RAD51B: variants seen among roughly 807,000 people sequenced by gnomAD.
RAD51B encodes DNA repair protein RAD51 homolog 2.
A neutral mutation model predicts 42.2 loss-of-function variants in RAD51B; 38 were observed. The observed-to-expected ratio is 0.90, with a 90% confidence interval of 0.70 to 1.18. The LOEUF (loss-of-function observed/expected upper bound fraction) is 1.18. Among genes scored for constraint, RAD51B ranks in the 50% most tolerant of loss-of-function variants. RAD51B has a pLI of 0.00. For synonymous variants in RAD51B, 154 were observed against 145.2 expected, an observed-to-expected ratio of 1.06 and a Z score of -0.43; for missense variants, 373 against 400.7, an observed-to-expected ratio of 0.93 and a Z score of 0.59.
At chr14:68,465,215 ATTT>A (rs1413191658) in intron 9 of RAD51B, among the ~76,000 whole-genome samples, 2 of 152,114 alleles carry the variant, frequency 1.3e-5, no homozygotes, top group East Asian at 3.8e-4. Flanking sequence ...AAGATCTGAG[ATTT>A]TTTTATATGT....
At chr14:68,230,362 T>G (rs1342089052) in intron 7 of RAD51B, among the ~76,000 whole-genome samples, 1 of 152,194 alleles carries the variant, frequency 6.6e-6, no homozygotes, top group Non-Finnish European at 1.5e-5. Flanking sequence ...AATGGTCACG[T>G]CAAGGCACCA....
intron 7 of RAD51B, among the ~76,000 whole-genome samples, chr14:67,926,463 A>G (rs1197472584): frequency 6.6e-6 from 1 of 151,394 alleles, no homozygotes; most frequent in African/African-American, 2.4e-5. Context: ...CTTATTGCTC[A>G]TGTCACTGTC....
chr14:68,678,665 C>T (rs1056780704), intron 11 of RAD51B, among the ~76,000 whole-genome samples: 1 of 152,056 alleles, frequency 6.6e-6, no homozygotes, highest in African/African-American at 2.4e-5. Flanking sequence ...GGTCTTGTTC[C>T]AAGGCAGAGA....
At chr14:68,496,123 C>G (rs12587231) in intron 10 of RAD51B, among the ~76,000 whole-genome samples, 65,471 of 152,036 alleles carry the variant, frequency 0.43, 14,900 homozygotes, top group East Asian at 0.55. Flanking sequence ...GGTGATGTGT[C>G]CATCCCTCTT....
At chr14:67,868,833 C>A (rs1344085230) in intron 5 of RAD51B, among the ~76,000 whole-genome samples, 2 of 152,292 alleles carry the variant, frequency 1.3e-5, no homozygotes, top group African/African-American at 2.4e-5. Context: ...CAGACTGACA[C>A]CTCACACGGC....
chr14:68,259,971 C>T (rs1322837809), intron 7 of RAD51B, among the ~76,000 whole-genome samples: 1 of 152,108 alleles, frequency 6.6e-6, no homozygotes, highest in Non-Finnish European at 1.5e-5. Flanking sequence ...GCTTTCATTC[C>T]AGTGGAAGAA....
chr14:67,877,799 A>G (rs1053507391), intron 5 of RAD51B, among the ~76,000 whole-genome samples: 1 of 152,136 alleles, frequency 6.6e-6, no homozygotes, highest in African/African-American at 2.4e-5. Context: ...AATAGCTGGG[A>G]CTGTAGACGT....
At chr14:68,652,897 G>A (rs1892730952) in intron 11 of RAD51B, among the ~76,000 whole-genome samples, 1 of 152,218 alleles carries the variant, frequency 6.6e-6, no homozygotes, top group African/African-American at 2.4e-5. Context: ...GCATAGGGGA[G>A]CAATTTACTG....
chr14:68,615,138 TG>T (rs1394610038), downstream of RAD51B, among the ~76,000 whole-genome samples: 4 of 152,232 alleles, frequency 2.6e-5, no homozygotes, highest in Non-Finnish European at 2.9e-5. Flanking sequence ...CCCAAAGTGC[TG>T]GGATCATCTG....
Position 68,595,213 on chromosome 14 carries a change from T to A in RAD51B, c.*610T>A, listed in dbSNP as rs1233070442. Reference sequence around the variant, plus strand: ...ACACTTACATGGAAAATCCTAAACATGGAAGATGATTTAAAAATGATTCAC... The same window carrying A: ...ACACTTACATGGAAAATCCTAAACAAGGAAGATGATTTAAAAATGATTCAC... On this transcript the variant is annotated 3_prime_UTR_variant, in exon 11 of 11. Transcript: ENST00000487270. 3 of 1,061,542 alleles carry A rather than the reference T, an allele frequency of 2.8e-6. No individual in the cohort carries two copies. The African/African-American group carries it at 4.9e-5, about 17-fold the overall frequency. The allele number at this position is 1,061,542 out of a possible 1,614,324, so 65.8% of individuals were successfully genotyped here. A position where few individuals can be genotyped will look rare whatever the true frequency, so the allele number is the denominator to read the frequency against.
At chr14:68,632,714 G>A (rs373860716) in intron 10 of RAD51B, among the ~76,000 whole-genome samples, 9 of 152,212 alleles carry the variant, frequency 5.9e-5, no homozygotes, top group African/African-American at 2.2e-4. Flanking sequence ...AGCCTGAGGG[G>A]AGCCAGCTCC....
At chr14:68,609,511 T>C (rs1213493828) in intron 10 of RAD51B, among the ~76,000 whole-genome samples, 1 of 152,140 alleles carries the variant, frequency 6.6e-6, no homozygotes, top group African/African-American at 2.4e-5. Flanking sequence ...CCCACCTCCT[T>C]TGCAAAACTA....
chr14:67,934,664 C>T lies in RAD51B; in HGVS notation c.756+47460C>T, dbSNP rs556428451. On this transcript the variant is annotated intron_variant, in intron 7 of 10. Coordinates refer to ENST00000471583, the MANE Select transcript of RAD51B (RefSeq NM_133510.4). ...CTTTTATTTTTAGTTTTATTTGTTT[C>T]GTATTCTCTATTTCATTCCCCTATC... Among the ~76,000 whole-genome samples, 42 of 152,122 alleles carry T rather than the reference C, an allele frequency of 2.8e-4. No homozygotes were observed. The South Asian group carries it at 6.8e-3, about 25-fold the overall frequency.
At chr14:68,388,623 G>A (rs1481574583) in intron 8 of RAD51B, among the ~76,000 whole-genome samples, 1 of 152,130 alleles carries the variant, frequency 6.6e-6, no homozygotes, top group African/African-American at 2.4e-5. Flanking sequence ...GAAAGTGAAT[G>A]TATATATTCA....
At chr14:68,548,443 C>G (rs1888348246) in intron 10 of RAD51B, among the ~76,000 whole-genome samples, 1 of 152,216 alleles carries the variant, frequency 6.6e-6, no homozygotes, top group African/African-American at 2.4e-5. Context: ...TTTAGACTCC[C>G]TGATTGGAAA....
chr14:67,967,994 C>G (rs906978370), intron 7 of RAD51B, among the ~76,000 whole-genome samples: 5 of 152,254 alleles, frequency 3.3e-5, no homozygotes, highest in African/African-American at 1.2e-4. Flanking sequence ...CATACTTCTT[C>G]TGAAATCTAG....
At chr14:68,542,175 CA>C (rs1259315186) in intron 10 of RAD51B, among the ~76,000 whole-genome samples, 7 of 151,992 alleles carry the variant, frequency 4.6e-5, no homozygotes, top group African/African-American at 1.7e-4. Context: ...ATAAATATGT[CA>C]GGGGAGTTCC....
chr14:67,837,244 A>G (rs904471504), intron 4 of RAD51B, among the ~76,000 whole-genome samples: 1 of 152,118 alleles, frequency 6.6e-6, no homozygotes, highest in African/African-American at 2.4e-5. Flanking sequence ...GATTTTACAT[A>G]AACTTTTTGG....
intron 8 of RAD51B, among the ~76,000 whole-genome samples, chr14:68,335,549 A>G (rs1240196095): frequency 6.6e-6 from 1 of 152,160 alleles, no homozygotes; most frequent in African/African-American, 2.4e-5. Flanking sequence ...TCTGGTTTTA[A>G]GCTTGGTGAA....
Sources: gnomAD v4.1 joint callset for allele counts (sites outside exome capture counted in the v4.1 genomes callset) on GRCh38, gnomAD v4.1.1 for gene constraint, MANE v1.5 for transcripts, NCBI Gene and HGNC (gene_info 2026-07-23, HGNC 2026-07-21) for gene names.